EYS: variants seen among roughly 807,000 people sequenced by gnomAD.
The protein encoded by EYS is EGF-like photoreceptor maintenance factor, also known as protein eyes shut homolog.
In EYS, 250 loss-of-function variants were observed where a neutral mutation model predicts 282.1. The ratio of observed to expected loss-of-function variants is 0.89; its 90% confidence interval spans 0.80 to 0.98. The LOEUF is 0.98. EYS is among the 50% of genes least tolerant of loss of function. EYS has a pLI of 0.00. For synonymous variants in EYS, 1,355 were observed against 1,282.9 expected (o/e 1.06, Z -1.20); for missense variants, 4,016 against 3,709.0 (o/e 1.08, Z -2.15).
At chr6:64,879,636 GC>G in intron 19 of EYS, among the ~76,000 whole-genome samples, 1 of 151,992 alleles carries the variant, frequency 6.6e-6, no homozygotes, top group Non-Finnish European at 1.5e-5. Context: ...TGTAATAGAG[GC>G]ACTGGAAAAG....
At chr6:64,606,088 T>G (rs1004874655) in intron 24 of EYS, among the ~76,000 whole-genome samples, 1 of 152,004 alleles carries the variant, frequency 6.6e-6, no homozygotes, top group African/African-American at 2.4e-5. Flanking sequence ...TTGTTTTGCA[T>G]GTTGTATCTC....
At chr6:64,943,554 AATCCATTTACAAT>A (rs1273402587) in intron 15 of EYS, among the ~76,000 whole-genome samples, 2 of 152,164 alleles carry the variant, frequency 1.3e-5, no homozygotes, top group East Asian at 3.9e-4. Flanking sequence ...CCAAATCCAG[AATCCATTTACAAT>A]ATGAAATCTC....
intron 12 of EYS, among the ~76,000 whole-genome samples, chr6:65,082,258 C>A (rs1167915822): frequency 6.6e-6 from 1 of 152,012 alleles, no homozygotes; most frequent in East Asian, 1.9e-4. Flanking sequence ...TTGCCATACC[C>A]ATTTTGGCCT....
intron 5 of EYS, among the ~76,000 whole-genome samples, chr6:65,455,096 A>ACAGC (rs1170555318): frequency 6.6e-6 from 1 of 152,152 alleles, no homozygotes; most frequent in African/African-American, 2.4e-5. Flanking sequence ...TTAGGGTAGT[A>ACAGC]CAGCCACATA....
chr6:64,841,948 T>A (rs1426279644), intron 19 of EYS, among the ~76,000 whole-genome samples: 1 of 152,060 alleles, frequency 6.6e-6, no homozygotes, highest in Non-Finnish European at 1.5e-5. Context: ...ATCAAGCAAG[T>A]GATGGAAATG....
intron 12 of EYS, among the ~76,000 whole-genome samples, chr6:65,131,285 T>C (rs1340801808): frequency 6.6e-6 from 1 of 151,842 alleles, no homozygotes; most frequent in East Asian, 1.9e-4. Flanking sequence ...ATTCTTCTTA[T>C]TGCCACATGG....
intron 12 of EYS, among the ~76,000 whole-genome samples, chr6:65,269,544 T>A (rs2150264647): frequency 6.6e-6 from 1 of 152,304 alleles, no homozygotes; most frequent in East Asian, 1.9e-4. Flanking sequence ...GATTCCTATC[T>A]GTAAAGCTAC....
At chr6:64,838,724 G>A (rs1008092654) in intron 19 of EYS, among the ~76,000 whole-genome samples, 2 of 151,620 alleles carry the variant, frequency 1.3e-5, no homozygotes, top group African/African-American at 4.8e-5. Context: ...TTAAATAAAT[G>A]CTATCAGAAT....
At chr6:63,937,512 C>T (rs1473599561) in intron 35 of EYS, among the ~76,000 whole-genome samples, 1 of 150,818 alleles carries the variant, frequency 6.6e-6, no homozygotes, top group Non-Finnish European at 1.5e-5. Context: ...TCCCGAGTAG[C>T]TGGGACTACA....
intron 42 of EYS, among the ~76,000 whole-genome samples, chr6:63,722,853 T>G (rs574347208): frequency 7.2e-5 from 11 of 152,350 alleles, no homozygotes; most frequent in African/African-American, 2.6e-4. Flanking sequence ...AGCTCTATAG[T>G]TCTTCACCTA....
At chr6:64,796,177 A>G (rs2150004257) in intron 22 of EYS, among the ~76,000 whole-genome samples, 1 of 152,320 alleles carries the variant, frequency 6.6e-6, no homozygotes, top group Admixed American at 6.5e-5. Context: ...ATAATTATTT[A>G]TTCATGTTTG....
intron 40 of EYS, among the ~76,000 whole-genome samples, chr6:63,766,392 T>G (rs1769789846): frequency 6.6e-6 from 1 of 152,074 alleles, no homozygotes; most frequent in Non-Finnish European, 1.5e-5. Flanking sequence ...CAAACAGTTC[T>G]TGGTTTATTG....
At position 63,864,503 on chromosome 6, in the gene EYS, T is replaced by TTC. The variant is rs10645485; in HGVS notation, c.7056-146_7056-145insGA. 0.35 allele frequency: 191,720 copies of TTC among 552,028 alleles called. 35,551 individuals are homozygous for TTC. The highest frequency in any genetic ancestry group is 0.47 in the South Asian group (12,941 of 27,578). 34.2% of individuals were successfully genotyped at this position (552,028 alleles called of 1,614,324 possible). ...ATAAGTGACTTTTTTCTCCCTCTTT[T>TTC]CTGTTTCAACTTTTGAATATTTGTA... On this transcript the variant is annotated intron_variant, in intron 35 of 42. Coordinates refer to ENST00000503581, the MANE Select transcript of EYS (RefSeq NM_001142800.2).
At chr6:64,912,827 A>C in intron 15 of EYS, 84 bp from the exon 16 acceptor site, 6 of 785,446 alleles carry the variant, frequency 7.6e-6, no homozygotes, top group Non-Finnish European at 1.1e-5. Flanking sequence ...CCTTGAACTA[A>C]TAGTATGTGG....
At chr6:64,326,421 C>T (rs535895693) in intron 29 of EYS, among the ~76,000 whole-genome samples, 1 of 152,136 alleles carries the variant, frequency 6.6e-6, no homozygotes, top group Non-Finnish European at 1.5e-5. Flanking sequence ...GTAATGCTGC[C>T]TTTGTTTCTT....
chr6:64,514,582 C>T (rs1046859930), intron 26 of EYS, among the ~76,000 whole-genome samples: 12 of 151,798 alleles, frequency 7.9e-5, no homozygotes, highest in Non-Finnish European at 7.4e-5. Flanking sequence ...CTGTGTCCAG[C>T]TGTTATAAGG....
chr6:64,055,483 C>G lies in EYS; in HGVS notation c.6725+10855G>C, dbSNP rs1409818947. ...TTGTAGTTATACAAAGAGTGCTTTG[C>G]TTCCTCACTTCCCCACTCGCAGGAT... On this transcript the variant is annotated intron_variant, in intron 33 of 42. Coordinates refer to ENST00000503581, the MANE Select transcript of EYS (RefSeq NM_001142800.2). 2.6e-5 allele frequency among the ~76,000 whole-genome samples: 4 copies of G among 152,234 alleles called. 1 individual carries two copies. The South Asian group carries it at 6.2e-4, about 24-fold the overall frequency.
chr6:64,296,587 T>TATATAC (rs1554140889), intron 30 of EYS, among the ~76,000 whole-genome samples: 3 of 3,522 alleles, frequency 8.5e-4, no homozygotes, highest in South Asian at 0.016. Flanking sequence ...TATATATACA[T>TATATAC]ATATATATAT....
chr6:64,372,669 G>A (rs376767667), intron 29 of EYS, among the ~76,000 whole-genome samples: 1 of 152,052 alleles, frequency 6.6e-6, no homozygotes, highest in African/African-American at 2.4e-5. Flanking sequence ...ACCCTCTTTT[G>A]CAGGGACACA....
Sources: gnomAD v4.1 joint callset for allele counts (sites outside exome capture counted in the v4.1 genomes callset) on GRCh38, gnomAD v4.1.1 for gene constraint, MANE v1.5 for transcripts, NCBI Gene and HGNC (gene_info 2026-07-23, HGNC 2026-07-21) for gene names.